DNAH9: variants seen among roughly 807,000 people sequenced by gnomAD.
DNAH9 encodes dynein axonemal heavy chain 9, also known as DNAH9 variant protein.
A neutral mutation model predicts 471.6 loss-of-function variants in DNAH9; 345 were observed. The ratio of observed to expected loss-of-function variants is 0.73; its 90% CI spans 0.67 to 0.80. DNAH9 has a LOEUF of 0.80. Among genes scored for constraint, DNAH9 ranks in the 30% least tolerant of loss-of-function variants. The probability of loss-of-function intolerance (pLI) is 0.00; values close to 1 mark genes in which losing one functional copy is unlikely to be tolerated. For missense variants in DNAH9, 5,407 were observed against 5,609.2 expected (o/e 0.96, Z 1.15); for synonymous variants, 2,093 against 2,123.6 (o/e 0.99, Z 0.40).
chr17:11,753,573 A>G (rs954070595), intron 33 of DNAH9, among the ~76,000 whole-genome samples: 5 of 152,144 alleles, frequency 3.3e-5, no homozygotes, highest in Admixed American at 6.5e-5. Flanking sequence ...AGGCTGAGGC[A>G]GGAGAATTGC....
At chr17:11,767,572 A>G (rs547786751) in intron 36 of DNAH9, among the ~76,000 whole-genome samples, 2 of 152,180 alleles carry the variant, frequency 1.3e-5, no homozygotes, top group African/African-American at 4.8e-5. Flanking sequence ...CCCTCCATGA[A>G]TATTTCCTAA....
chr17:11,855,154 A>C (rs1971581098), intron 50 of DNAH9, among the ~76,000 whole-genome samples: 1 of 151,988 alleles, frequency 6.6e-6, no homozygotes, highest in African/African-American at 2.4e-5. Context: ...CTCCCACCTC[A>C]GCCTCCCAAA....
In DNAH9 at chr17:11,700,695, T is replaced by G. The variant is rs2074576440; in HGVS notation, c.5026-427T>G. Among the ~76,000 whole-genome samples, 3 of 152,176 alleles carry G rather than the reference T, an allele frequency of 2.0e-5. No individual in the cohort carries two copies. In the South Asian group the frequency reaches 6.2e-4, roughly 32 times the overall value. On this transcript the variant is annotated intron_variant, in intron 23 of 68. Transcript: ENST00000262442. ...ATATGAGGGTGGCCCTGGGGTTTCA[T>G]TCACAATATGTTCTTTCTGTAGACC...
intron 35 of DNAH9, among the ~76,000 whole-genome samples, chr17:11,759,458 A>G (rs1374517869): frequency 6.8e-6 from 1 of 147,662 alleles, no homozygotes; most frequent in Non-Finnish European, 1.5e-5. Flanking sequence ...ACATGATTTC[A>G]TTCTTTTTTA....
rs777419967 is a variant in DNAH9 at position 11,689,926 on chromosome 17, C to T, written c.4104C>T (p.Ser1368=). The part of the protein sequence containing the change: ...GLESTVWNTL[S]SLRAVAELQN... ...AAAGCACTGTGTGGAACACGCTGAG[C>T]TCCCTGAGGGCAGTAGCTGAGCTGC... Residue 1368 remains serine, a synonymous_variant, in exon 20 of 69, where the codon AGC becomes AGT. Transcript: ENST00000262442. The T allele has an allele frequency of 1.9e-6, 3 of 1,610,634 alleles. No individual in the cohort carries two copies. Among genetic ancestry groups the T allele is most frequent in the South Asian group, 2.2e-5 (2 of 90,570 alleles).
intron 33 of DNAH9, among the ~76,000 whole-genome samples, chr17:11,753,953 T>C (rs1034622979): frequency 6.6e-6 from 1 of 152,120 alleles, no homozygotes; most frequent in African/African-American, 2.4e-5. Context: ...TTTCTGCACC[T>C]CTCCCTCCTC....
At chr17:11,733,900 C>A (rs957121660) in intron 28 of DNAH9, among the ~76,000 whole-genome samples, 5 of 148,868 alleles carry the variant, frequency 3.4e-5, no homozygotes, top group African/African-American at 1.2e-4. Flanking sequence ...GGCAAATTAT[C>A]CAAATGATAA....
intron 43 of DNAH9, among the ~76,000 whole-genome samples, chr17:11,798,845 T>A (rs547384156): frequency 1.6e-4 from 25 of 151,978 alleles, no homozygotes; most frequent in Admixed American, 1.5e-3. Flanking sequence ...TAGAGAGGAG[T>A]AAGTAACCTC....
intron 28 of DNAH9, among the ~76,000 whole-genome samples, chr17:11,733,785 C>T (rs890300006): frequency 7.0e-5 from 10 of 143,444 alleles, no homozygotes; most frequent in Admixed American, 1.5e-4. Context: ...GGTGTGAACC[C>T]GGGAGGTGGA....
chr17:11,907,209 G>T (rs1233754195), intron 61 of DNAH9, among the ~76,000 whole-genome samples: 2 of 152,022 alleles, frequency 1.3e-5, no homozygotes, highest in African/African-American at 4.8e-5. Context: ...GGTGGCTCAC[G>T]CCTGTAATCC....
chr17:11,935,950 G>A (rs1322858810), intron 65 of DNAH9, among the ~76,000 whole-genome samples: 1 of 152,152 alleles, frequency 6.6e-6, no homozygotes, highest in African/African-American at 2.4e-5. Flanking sequence ...GGCTTTTCCC[G>A]GGAAAATTGT....
intron 41 of DNAH9, among the ~76,000 whole-genome samples, chr17:11,790,051 T>G (rs778467221): frequency 4.2e-4 from 64 of 152,012 alleles, no homozygotes; most frequent in Non-Finnish European, 5.2e-4. Context: ...CAGAAGACAC[T>G]CTATATGGAT....
chr17:11,667,444 T>C (rs1017058397), intron 15 of DNAH9, among the ~76,000 whole-genome samples: 4 of 152,190 alleles, frequency 2.6e-5, no homozygotes, highest in African/African-American at 2.4e-5. Flanking sequence ...GGGACTGTCC[T>C]GAGTCCAATA....
rs556154307 is a variant in DNAH9 at position 11,926,876 on chromosome 17, A to T, written c.11877+2935A>T. Reference sequence around the variant, plus strand: ...TGAACTAATTTACACTCCCACCAACAGCATAAAAGGGTTCCTTTTTCTCCA... The same window carrying T: ...TGAACTAATTTACACTCCCACCAACTGCATAAAAGGGTTCCTTTTTCTCCA... On this transcript the variant is annotated intron_variant, in intron 62 of 68. Coordinates refer to ENST00000262442, the MANE Select transcript of DNAH9 (RefSeq NM_001372.4). 5.9e-5 allele frequency among the ~76,000 whole-genome samples: 9 copies of T among 152,340 alleles called. No individual in the cohort carries two copies. The South Asian group carries it at 1.9e-3, about 32-fold the overall frequency.
At position 11,693,865 on chromosome 17, in the gene DNAH9, C is replaced by T; in HGVS notation, c.4615-3C>T. On this transcript the variant is annotated splice_polypyrimidine_tract_variant and splice_region_variant and intron_variant, in intron 20 of 68. Coordinates refer to ENST00000262442, the MANE Select transcript of DNAH9 (RefSeq NM_001372.4). ...TTAATTGCTTCCACATTTTTATTTG[C>T]AGGATTCTAAAAGGTTTGAAGGCAT... 6.2e-7 allele frequency: 1 copy of T among 1,613,962 alleles called. No individual in the cohort carries two copies. Among genetic ancestry groups the T allele is most frequent in the Non-Finnish European group, 8.5e-7 (1 of 1,179,950 alleles).
Position 11,669,057 on chromosome 17 carries a change from T to G in DNAH9, c.2732-7T>G. 6.3e-7 allele frequency: 1 copy of G among 1,594,798 alleles called. No homozygotes were observed. Among genetic ancestry groups the G allele is most frequent in the South Asian group, 1.1e-5 (1 of 89,052 alleles). On this transcript the variant is annotated splice_region_variant and splice_polypyrimidine_tract_variant and intron_variant, in intron 15 of 68. Transcript: ENST00000262442. ...TGTTTTGTTTGCTTGTTTTCTGTGT[T>G]TTTCAGAGTGTAAGGCAGGACTTAC...
At chr17:11,951,730 C>A (rs965088769) in intron 67 of DNAH9, among the ~76,000 whole-genome samples, 1 of 152,012 alleles carries the variant, frequency 6.6e-6, no homozygotes, top group African/African-American at 2.4e-5. Context: ...TAAGACCAGC[C>A]TGGACAAGAT....
At position 11,652,959 on chromosome 17, in the gene DNAH9, A is replaced by G. The variant is rs552079482; in HGVS notation, c.2552A>G (p.Asn851Ser). Residue 851 changes from asparagine (N) to serine (S), a missense_variant, in exon 14 of 69, where the codon AAT becomes AGT. Physicochemically the swap from Asn to Ser is conservative, Grantham distance 46 (BLOSUM62 1). This residue lies in a region of DNAH9 where 4,636 missense variants were observed against 4,900.3 expected (regional missense o/e 0.95). Transcript: ENST00000262442. ...DRHDRMEKYY[N>S]LIKESGLKIH... ...CATGATCGAATGGAAAAATATTACAATCTCATCAAGGAATCTGGCCTTAAG... is the reference window on the plus strand; with the variant it reads ...CATGATCGAATGGAAAAATATTACAGTCTCATCAAGGAATCTGGCCTTAAG... 340 of 1,614,024 alleles carry G rather than the reference A, an allele frequency of 2.1e-4. 1 individual carries two copies. The highest frequency in any genetic ancestry group is 8.3e-4 in the South Asian group (76 of 91,070).
Position 11,629,518 on chromosome 17 carries a change from A to G in DNAH9, c.1452A>G (p.Glu484=), listed in dbSNP as rs9895535. 509,028 of 1,613,356 alleles carry G rather than the reference A, an allele frequency of 0.32. 88,842 individuals carry two copies. Among genetic ancestry groups the G allele is most frequent in the African/African-American group, 0.72 (54,304 of 74,910 alleles). The change falls in exon 7 of 69, where the codon GAA becomes GAG. Residue 484 remains glutamate, a synonymous_variant. Coordinates refer to ENST00000262442, the MANE Select transcript of DNAH9 (RefSeq NM_001372.4). ...ALSQQVQQMH[E]EFQEMYRLLS... ...GTCAGCAGGTCCAGCAAATGCATGAAGAATTTCAAGAGATGTACAGGCTTC... is the reference window on the plus strand; with the variant it reads ...GTCAGCAGGTCCAGCAAATGCATGAGGAATTTCAAGAGATGTACAGGCTTC...
Sources: allele counts gnomAD v4.1 joint callset (sites outside exome capture counted in the v4.1 genomes callset), GRCh38; gene constraint gnomAD v4.1.1; regional missense constraint gnomAD v4.1.1; transcripts MANE v1.5; gene names NCBI Gene and HGNC (gene_info 2026-07-23, HGNC 2026-07-21).